Variants in SPMIP2 observed in about 807,000 individuals in gnomAD.
SPMIP2 encodes protein SPMIP2.
chr4:159,020,758 T>C, the SPMIP2 span, among the ~76,000 whole-genome samples: 52,112 of 151,974 alleles, frequency 0.34, 9,370 homozygotes, highest in East Asian at 0.58. Flanking sequence ...TTTTTGTCGT[T>C]GTTGTTGTTG....
the SPMIP2 span, among the ~76,000 whole-genome samples, chr4:158,955,087 G>T: frequency 2.0e-5 from 3 of 152,098 alleles, no homozygotes; most frequent in Non-Finnish European, 4.4e-5. Context: ...TAAAACAAGA[G>T]TACATTTCCT....
At chr4:158,923,121 T>C in the SPMIP2 span, among the ~76,000 whole-genome samples, 1 of 152,250 alleles carries the variant, frequency 6.6e-6, no homozygotes, top group Non-Finnish European at 1.5e-5. Flanking sequence ...TTGATCTATA[T>C]ATCTATCTTT....
the SPMIP2 span, among the ~76,000 whole-genome samples, chr4:158,952,712 C>T: frequency 4.6e-5 from 7 of 152,124 alleles, no homozygotes; most frequent in East Asian, 3.9e-4. Context: ...AGAGACTTGT[C>T]GAATGGCTTT....
chr4:158,941,911 G>A, the SPMIP2 span, among the ~76,000 whole-genome samples: 2 of 152,086 alleles, frequency 1.3e-5, no homozygotes, highest in African/African-American at 4.8e-5. Context: ...AGAGATGGTG[G>A]TGTTCTGGTA....
At chr4:158,962,852 T>C in the SPMIP2 span, among the ~76,000 whole-genome samples, 1 of 152,200 alleles carries the variant, frequency 6.6e-6, no homozygotes, top group Admixed American at 6.5e-5. Context: ...CAGTGATGCA[T>C]TTCTCTTGTT....
the SPMIP2 span, chr4:158,906,802 A>G: frequency 3.3e-5 from 5 of 152,148 alleles, no homozygotes; most frequent in African/African-American, 1.2e-4. Flanking sequence ...CCTAAAAGCA[A>G]AAAAGAAAAA....
At chr4:159,048,570 G>T in the SPMIP2 span, among the ~76,000 whole-genome samples, 1 of 151,904 alleles carries the variant, frequency 6.6e-6, no homozygotes, top group South Asian at 2.1e-4. Context: ...AGAAAATCTT[G>T]GACCAGAAGC....
At chr4:158,933,546 C>T in the SPMIP2 span, among the ~76,000 whole-genome samples, 1 of 152,062 alleles carries the variant, frequency 6.6e-6, no homozygotes, top group East Asian at 1.9e-4. Context: ...TGGTTCTTAC[C>T]CCAGCCAACA....
the SPMIP2 span, among the ~76,000 whole-genome samples, chr4:158,911,050 T>G: frequency 6.6e-6 from 1 of 152,206 alleles, no homozygotes; most frequent in Non-Finnish European, 1.5e-5. Context: ...GCAAATATCT[T>G]TAACATCATA....
chr4:159,053,106 GCCA>G, the SPMIP2 span, among the ~76,000 whole-genome samples: 3 of 149,500 alleles, frequency 2.0e-5, no homozygotes, highest in South Asian at 6.4e-4. Context: ...ACAGGCGCCC[GCCA>G]CTACGCCCGG....
the SPMIP2 span, chr4:158,973,257 A>G: frequency 1.2e-6 from 2 of 1,613,720 alleles, no homozygotes. Flanking sequence ...CTGTTCTCCT[A>G]CATAGGAGGT....
the SPMIP2 span, among the ~76,000 whole-genome samples, chr4:159,064,630 C>G: frequency 6.6e-6 from 1 of 152,272 alleles, no homozygotes; most frequent in African/African-American, 2.4e-5. Context: ...CTTACAATGT[C>G]TATGGTTTCC....
At chr4:159,045,463 A>T in the SPMIP2 span, among the ~76,000 whole-genome samples, 1 of 152,218 alleles carries the variant, frequency 6.6e-6, no homozygotes, top group East Asian at 1.9e-4. Flanking sequence ...TTTCTTTATT[A>T]TTTTTAGGCC....
At chr4:158,964,214 T>C in the SPMIP2 span, among the ~76,000 whole-genome samples, 3 of 149,386 alleles carry the variant, frequency 2.0e-5, no homozygotes, top group South Asian at 6.4e-4. Flanking sequence ...GATCATGGAG[T>C]GAGGTGCCTG....
the SPMIP2 span, among the ~76,000 whole-genome samples, chr4:158,953,523 A>C: frequency 6.6e-6 from 1 of 152,224 alleles, no homozygotes; most frequent in Non-Finnish European, 1.5e-5. Context: ...TGAAAGGGAA[A>C]TGTGGGGCCA....
At chr4:158,970,061 G>A in the SPMIP2 span, among the ~76,000 whole-genome samples, 2 of 152,178 alleles carry the variant, frequency 1.3e-5, no homozygotes, top group African/African-American at 2.4e-5. Flanking sequence ...CCCTTGTGAG[G>A]GCGGCCCTGG....
chr4:158,940,936 T>C, the SPMIP2 span, among the ~76,000 whole-genome samples: 22 of 152,342 alleles, frequency 1.4e-4, no homozygotes, highest in South Asian at 2.5e-3. Context: ...TGCTACCTGA[T>C]ATGGCAAGAT....
At chr4:159,031,184 G>A in the SPMIP2 span, among the ~76,000 whole-genome samples, 2 of 152,170 alleles carry the variant, frequency 1.3e-5, no homozygotes, top group Admixed American at 1.3e-4. Flanking sequence ...TAGAAAGGTG[G>A]TAAGTGATGG....
the SPMIP2 span, among the ~76,000 whole-genome samples, chr4:159,074,126 C>G: frequency 6.6e-6 from 1 of 152,174 alleles, no homozygotes. Flanking sequence ...TTCTTGCCAG[C>G]ATCACTGAAT....
Sources: allele counts gnomAD v4.1 joint callset (sites outside exome capture counted in the v4.1 genomes callset), GRCh38; gene constraint gnomAD v4.1.1; transcripts MANE v1.5; gene names NCBI Gene and HGNC (gene_info 2026-07-23, HGNC 2026-07-21).